The following RALGPS1 variants were observed in gnomAD, a reference collection of about 807,000 sequenced individuals.
RALGPS1 encodes Ral GEF with PH domain and SH3 binding motif 1, also known as ras-specific guanine nucleotide-releasing factor RalGPS1.
In RALGPS1, 19 loss-of-function variants were observed where a neutral mutation model predicts 78.8. That is an observed-to-expected ratio of 0.24 (90% CI 0.17 to 0.35). RALGPS1 has a LOEUF of 0.35. RALGPS1 is among the 10% of genes least tolerant of loss of function. The pLI is 1.00. For synonymous variants in RALGPS1, 228 were observed against 256.3 expected (o/e 0.89, Z 1.06); for missense variants, 454 against 688.3 (o/e 0.66, Z 3.81).
intron 11 of RALGPS1, among the ~76,000 whole-genome samples, chr9:127,188,011 T>C (rs964946471): frequency 1.3e-5 from 2 of 149,352 alleles, no homozygotes; most frequent in Non-Finnish European, 3.0e-5. Context: ...TTTTTAACAC[T>C]CTCTCCAGAT....
rs1195724614 is a variant in RALGPS1, at chr9:127,091,701, G to A, written c.610+22345G>A. 2 of 1,613,848 alleles carry A rather than the reference G, an allele frequency of 1.2e-6. No individual in the cohort carries two copies. Among genetic ancestry groups the A allele is most frequent in the African/African-American group, 2.7e-5 (2 of 74,886 alleles). On this transcript the variant is annotated intron_variant, in intron 8 of 18. Coordinates refer to ENST00000259351, the MANE Select transcript of RALGPS1 (RefSeq NM_014636.3). The surrounding 1 kb of genome is among the most constrained non-coding windows in gnomAD (Gnocchi z 4.3). Reference sequence around the variant, plus strand: ...AGACATCATGATCTCTGTCCAGGGTGGTGAACTGCTTGCCGTTGTGCCATG... The same window carrying A: ...AGACATCATGATCTCTGTCCAGGGTAGTGAACTGCTTGCCGTTGTGCCATG...
At chr9:127,190,287 A>G (rs888437802) in intron 11 of RALGPS1, among the ~76,000 whole-genome samples, 4 of 152,232 alleles carry the variant, frequency 2.6e-5, no homozygotes, top group African/African-American at 9.6e-5. Context: ...TTCTTTTGCA[A>G]CTTACTCTCT....
intron 11 of RALGPS1, among the ~76,000 whole-genome samples, chr9:127,190,752 G>C (rs919205133): frequency 3.9e-5 from 6 of 152,162 alleles, no homozygotes; most frequent in Non-Finnish European, 8.8e-5. Context: ...AGTTTCTCTA[G>C]AGTAAAAACC....
Position 126,954,743 on chromosome 9 carries a change from A to G in RALGPS1, c.-65-7482A>G, listed in dbSNP as rs545148400. Among the ~76,000 whole-genome samples the G allele has an allele frequency of 2.6e-5, 4 of 152,322 alleles. 1 individual carries two copies. In the South Asian group the frequency reaches 8.3e-4, roughly 32 times the overall value. ...TTTGAACCTGGGAGGTGGATGTTGC[A>G]GTGAGCCAAGATTGCGCCACTGCAC... On this transcript the variant is annotated intron_variant, in intron 1 of 18. Coordinates refer to ENST00000259351, the MANE Select transcript of RALGPS1 (RefSeq NM_014636.3).
chr9:126,953,307 C>T (rs1037005048), intron 1 of RALGPS1, among the ~76,000 whole-genome samples: 2 of 152,076 alleles, frequency 1.3e-5, no homozygotes, highest in African/African-American at 2.4e-5. Context: ...ACTTTTTCTC[C>T]TGCAGTGTTT....
At chr9:127,210,961 GCTT>G (rs988255308) in intron 14 of RALGPS1, among the ~76,000 whole-genome samples, 2 of 152,210 alleles carry the variant, frequency 1.3e-5, no homozygotes, top group African/African-American at 2.4e-5. Flanking sequence ...AGGAGGGGGA[GCTT>G]ACTTGGTTCG....
At chr9:126,930,412 C>G (rs1285969577) in intron 1 of RALGPS1, among the ~76,000 whole-genome samples, 2 of 151,776 alleles carry the variant, frequency 1.3e-5, no homozygotes, top group African/African-American at 4.8e-5. Flanking sequence ...TGATGTTTAC[C>G]TGGAAAACTA....
chr9:127,153,789 C>T (rs1055470591), intron 8 of RALGPS1, among the ~76,000 whole-genome samples: 1 of 152,176 alleles, frequency 6.6e-6, no homozygotes, highest in Non-Finnish European at 1.5e-5. Flanking sequence ...GGAGCATTGG[C>T]CACAAGGCCT....
At chr9:127,196,343 G>A (rs986084390) in intron 12 of RALGPS1, 131 bp from the exon 13 acceptor site, 5 of 986,464 alleles carry the variant, frequency 5.1e-6, no homozygotes, top group Non-Finnish European at 5.9e-6. Context: ...ACAGAGCCTG[G>A]GCTGTACCGT....
At chr9:126,958,436 C>T (rs1647940597) in intron 1 of RALGPS1, among the ~76,000 whole-genome samples, 1 of 152,130 alleles carries the variant, frequency 6.6e-6, no homozygotes, top group Admixed American at 6.6e-5. Context: ...AGTTCTGTCC[C>T]TTCCCCTGGC....
intron 11 of RALGPS1, among the ~76,000 whole-genome samples, chr9:127,176,185 A>T (rs2059863340): frequency 6.6e-6 from 1 of 151,994 alleles, no homozygotes; most frequent in Non-Finnish European, 1.5e-5. Context: ...CAGAAGCTTG[A>T]TTTTCACAGG....
At chr9:127,174,610 C>A in intron 10 of RALGPS1, 105 bp from the exon 11 acceptor site, 1 of 973,608 alleles carries the variant, frequency 1.0e-6, no homozygotes, top group Non-Finnish European at 1.6e-6. Context: ...GCAGATCTCA[C>A]AGTATTCCTG....
chr9:126,982,562 A>T (rs1431570048), intron 4 of RALGPS1, among the ~76,000 whole-genome samples: 2 of 152,110 alleles, frequency 1.3e-5, no homozygotes, highest in Non-Finnish European at 2.9e-5. Context: ...TGAGCGGTTA[A>T]AGTCTTTATT....
intron 8 of RALGPS1, among the ~76,000 whole-genome samples, chr9:127,071,922 A>G (rs1021512182): frequency 1.3e-5 from 2 of 152,216 alleles, no homozygotes; most frequent in African/African-American, 2.4e-5. Context: ...AAGCATTTTT[A>G]TCACTCCATA....
At chr9:127,054,099 C>T (rs2048518018) in intron 7 of RALGPS1, among the ~76,000 whole-genome samples, 1 of 152,166 alleles carries the variant, frequency 6.6e-6, no homozygotes, top group Admixed American at 6.5e-5. Flanking sequence ...ACCAGAGCAG[C>T]TCTGTTTGTA....
At chr9:127,159,728 C>G (rs1797658017) in intron 8 of RALGPS1, among the ~76,000 whole-genome samples, 2 of 152,172 alleles carry the variant, frequency 1.3e-5, no homozygotes, top group Non-Finnish European at 2.9e-5. Flanking sequence ...TTTGTGCTCT[C>G]TTAAAGAGAG....
intron 4 of RALGPS1, among the ~76,000 whole-genome samples, chr9:127,030,975 C>G (rs998250608): frequency 2.0e-5 from 3 of 152,220 alleles, no homozygotes; most frequent in Non-Finnish European, 2.9e-5. Flanking sequence ...TGCACAGGCT[C>G]TTAGTCCCCT....
At chr9:127,073,466 C>CTGTGTGTG (rs58611833) in intron 8 of RALGPS1, among the ~76,000 whole-genome samples, 231 of 143,026 alleles carry the variant, frequency 1.6e-3, no homozygotes, top group African/African-American at 2.6e-3. Flanking sequence ...GTGTGTGTGT[C>CTGTGTGTG]TGTGTGTGTG....
chr9:127,095,340 G>A (rs1429300142), intron 8 of RALGPS1, among the ~76,000 whole-genome samples: 1 of 152,236 alleles, frequency 6.6e-6, no homozygotes, highest in Non-Finnish European at 1.5e-5. Context: ...GGAGGTTGCA[G>A]TGAGCTGAGA....
Sources: gnomAD v4.1 joint callset for allele counts (sites outside exome capture counted in the v4.1 genomes callset) on GRCh38, gnomAD v4.1.1 for gene constraint, Gnocchi (gnomAD v3.1) non-coding constraint, MANE v1.5 for transcripts, NCBI Gene and HGNC (gene_info 2026-07-23, HGNC 2026-07-21) for gene names.